TTC14: variants seen among roughly 807,000 people sequenced by gnomAD.
TTC14 encodes tetratricopeptide repeat domain 14.
TTC14 carries 63 observed loss-of-function variants against 79.9 expected under a neutral mutation model. The observed-to-expected ratio is 0.79, with a 90% CI of 0.64 to 0.97. The LOEUF (loss-of-function observed/expected upper bound fraction) is 0.97. Ranked by LOEUF, TTC14 falls within the 50% of genes least tolerant of loss-of-function variation. The pLI, the probability that TTC14 is intolerant of heterozygous loss-of-function variation, is 0.00. For missense variants in TTC14, 895 were observed against 894.0 expected, an observed-to-expected ratio of 1.00 and a Z score of -0.01; for synonymous variants, 335 against 309.6, an observed-to-expected ratio of 1.08 and a Z score of -0.86.
At chr3:180,606,443 G>T in intron 8 of TTC14, 38 bp from the exon 9 acceptor site, 1 of 1,613,116 alleles carries the variant, frequency 6.2e-7, no homozygotes, top group Non-Finnish European at 8.5e-7. Flanking sequence ...TGAAGAGCTT[G>T]TGAGATACAG....
chr3:180,615,520 C>G (rs940469870), downstream of TTC14, among the ~76,000 whole-genome samples: 19 of 151,938 alleles, frequency 1.3e-4, no homozygotes, highest in African/African-American at 4.4e-4. Flanking sequence ...AAACAGCTAG[C>G]TATATAATTC....
chr3:180,608,021 G>A, intron 10 of TTC14: 1 of 1,164,296 alleles, frequency 8.6e-7, no homozygotes, highest in Non-Finnish European at 1.1e-6. Flanking sequence ...TCCTTATAGG[G>A]AGCTCACCTG....
rs377386337 is a variant in TTC14, at chr3:180,606,494, G to C, written c.1063G>C (p.Gly355Arg). The stretch of plus-strand genomic sequence containing the variant: ...TCATGTCTCTAGATATGCGACAAAA[G>C]GAAGTTTGAACAAAGCAATAGAAGA... ...VARGALYATK[G>R]SLNKAIEDFE... is the part of the protein sequence containing the mutation. The change falls in exon 9 of 12, where the codon GGA becomes CGA. Residue 355 changes from glycine to arginine, a missense_variant. Coordinates refer to ENST00000296015, the MANE Select transcript of TTC14 (RefSeq NM_133462.4). 3 of 1,613,792 alleles carry C rather than the reference G, an allele frequency of 1.9e-6. No homozygotes were observed. Among genetic ancestry groups the C allele is most frequent in the Non-Finnish European group, 2.5e-6 (3 of 1,179,864 alleles).
At chr3:180,616,408 T>C in intron 12 of TTC14, 1 of 1,539,978 alleles carries the variant, frequency 6.5e-7, no homozygotes, top group South Asian at 1.2e-5. Context: ...CCTACTGTTT[T>C]TTAGAAGATA....
chr3:180,608,345 A>T (rs949789079), intron 10 of TTC14: 53 of 986,444 alleles, frequency 5.4e-5, no homozygotes, highest in Non-Finnish European at 6.3e-5. Context: ...TTTATTTGTA[A>T]AATGTGTCCT....
chr3:180,616,271 C>G lies in TTC14; in HGVS notation c.1775-1109C>G, dbSNP rs1163251409. ...GAGTTAAGCAGATTTTTTTTTAACC[C>G]TCCGCTTACCTTGCTGATAGTGAAG... On this transcript the variant is annotated intron_variant, in intron 12 of 12. Transcript: ENST00000382584. 1 of 1,611,956 alleles carries G rather than the reference C, an allele frequency of 6.2e-7. No individual in the cohort carries two copies. The highest frequency in any genetic ancestry group is 1.3e-5 in the African/African-American group (1 of 74,812).
chr3:180,604,075 G>A (rs969114363), intron 3 of TTC14, 150 bp from the exon 4 acceptor site: 7 of 697,976 alleles, frequency 1.0e-5, no homozygotes, highest in Middle Eastern at 3.4e-4. Flanking sequence ...GTTTGGACAC[G>A]GAAATTACTT....
downstream of TTC14, chr3:180,614,914 A>T (rs780168478): frequency 5.8e-6 from 9 of 1,553,512 alleles, no homozygotes; most frequent in South Asian, 1.1e-4. Context: ...AGAAGAGATT[A>T]AAATGTTTAT....
In TTC14 at chr3:180,607,689, A is replaced by G. The variant is rs776750324; in HGVS notation, c.1214A>G (p.Tyr405Cys). The change falls in exon 10 of 12, where the codon TAT becomes TGT. Residue 405 changes from tyrosine to cysteine, a missense_variant. Physicochemically the swap from Tyr to Cys is radical, Grantham distance 194. Coordinates refer to ENST00000296015, the MANE Select transcript of TTC14 (RefSeq NM_133462.4). ...AAGTTTTTAAATGCTGAAAGTTACT[A>G]TAAGAAAGCTTTGGCTTTGGATGAG... The part of the protein sequence containing the change: ...EEKFLNAESY[Y>C]KKALALDETF... 9 of 1,610,672 alleles carry G rather than the reference A, an allele frequency of 5.6e-6. No individual in the cohort carries two copies. The highest frequency in any genetic ancestry group is 1.3e-5 in the African/African-American group (1 of 74,914).
In TTC14 at chr3:180,608,825, T is replaced by C; in HGVS notation, c.1400+15T>C. On this transcript the variant is annotated intron_variant, in intron 11 of 11. Transcript: ENST00000296015. ...GAAGAGAAGAGGTAAACTATAATAT[T>C]CAGTATTTTTAAACTTAAGGCAACT... The C allele has an allele frequency of 6.8e-7, 1 of 1,472,674 alleles. No homozygotes were observed. The highest frequency in any genetic ancestry group is 9.0e-7 in the Non-Finnish European group (1 of 1,115,178). The allele number at this position is 1,472,674 out of a possible 1,614,324, so 91.2% of individuals were successfully genotyped here. A position where few individuals can be genotyped will look rare whatever the true frequency, so the allele number is the denominator to read the frequency against.
rs867748464 is a variant in TTC14, at chr3:180,608,988, G to T, written c.1400+178G>T. 1 of 1,145,656 alleles carries T rather than the reference G, an allele frequency of 8.7e-7. No homozygotes were observed. Among genetic ancestry groups the T allele is most frequent in the Non-Finnish European group, 1.1e-6 (1 of 925,468 alleles). The allele number at this position is 1,145,656 out of a possible 1,614,324, so 71.0% of individuals were successfully genotyped here. ...ATTTTCTTATTAAAGAGATGAAGTG[G>T]AATTTAAGGCTAGAATTCTACAAAA... is the stretch of plus-strand genomic sequence containing the variant. On this transcript the variant is annotated intron_variant, in intron 11 of 11. Coordinates refer to ENST00000296015, the MANE Select transcript of TTC14 (RefSeq NM_133462.4).
downstream of TTC14, chr3:180,614,998 G>A: frequency 6.4e-7 from 1 of 1,562,522 alleles, no homozygotes; most frequent in Non-Finnish European, 8.7e-7. Context: ...CTGCCTACTA[G>A]TGAAGAGGAG....
rs370217176 is a variant in TTC14, at chr3:180,604,863, A to C, written c.713A>C (p.Glu238Ala). The C allele has an allele frequency of 1.9e-5, 31 of 1,609,260 alleles. No individual in the cohort carries two copies. In the African/African-American group the frequency reaches 3.9e-4, roughly 20 times the overall value. The change falls in exon 6 of 12, where the codon GAG becomes GCG. Residue 238 changes from glutamate to alanine, a missense_variant. Glu to Ala is a moderately radical substitution (Grantham distance 107). Coordinates refer to ENST00000296015, the MANE Select transcript of TTC14 (RefSeq NM_133462.4). ...ELPLYYRRSV[E>A]LNSNSLESYE... The stretch of plus-strand genomic sequence containing the variant: ...TGTATTTTTTTAAGGAGAAGTGTTG[A>C]GCTAAATAGCAATTCTTTGGAGTCC...
chr3:180,611,535 G>T (rs1447646379), downstream of TTC14, among the ~76,000 whole-genome samples: 1 of 152,134 alleles, frequency 6.6e-6, no homozygotes. Flanking sequence ...TAAATAACTA[G>T]ACCAACTAGA....
At chr3:180,605,671 T>C in intron 6 of TTC14, 95 bp from the exon 7 acceptor site, 1 of 808,394 alleles carries the variant, frequency 1.2e-6, no homozygotes. Context: ...TTGGGATTCA[T>C]ACTTTCACTG....
intron 1 of TTC14, 73 bp from the exon 2 acceptor site, chr3:180,602,818 C>A: frequency 2.0e-6 from 3 of 1,501,428 alleles, no homozygotes; most frequent in Admixed American, 2.1e-5. Context: ...CGATGAAAGC[C>A]ATAAGCAGAA....
At position 180,610,347 on chromosome 3, in the gene TTC14, T is replaced by C; in HGVS notation, c.2118T>C (p.Asn706=). Residue 706 remains asparagine, a synonymous_variant, in exon 12 of 12, where the codon AAT becomes AAC. Transcript: ENST00000296015. Reference sequence around the variant, plus strand: ...GACATGAGCAAAGATACCGTTTAAATACAAATCAAGGAGAATATGAAAGAG... The same window carrying C: ...GACATGAGCAAAGATACCGTTTAAACACAAATCAAGGAGAATATGAAAGAG... ...FSRHEQRYRL[N]TNQGEYERED... is the part of the protein sequence containing the mutation. 6.2e-7 allele frequency: 1 copy of C among 1,612,852 alleles called. No individual in the cohort carries two copies. The highest frequency in any genetic ancestry group is 8.5e-7 in the Non-Finnish European group (1 of 1,179,698).
At position 180,604,590 on chromosome 3, in the gene TTC14, G is replaced by A; in HGVS notation, c.684G>A (p.Glu228=). 2 of 1,607,524 alleles carry A rather than the reference G, an allele frequency of 1.2e-6. No homozygotes were observed. The highest frequency in any genetic ancestry group is 1.7e-6 in the Non-Finnish European group (2 of 1,178,162). Residue 228 remains glutamate, a synonymous_variant, in exon 5 of 12, where the codon GAG becomes GAA. Coordinates refer to ENST00000296015, the MANE Select transcript of TTC14 (RefSeq NM_133462.4). ...AATTAGGTGTAATTAGCTCTGAAGA[G>A]CTTCCTTTATACTACAGGTAATTTA... The part of the protein sequence containing the change: ...GIKLGVISSE[E]LPLYYRRSVE...
chr3:180,608,258 T>C (rs777701721), intron 10 of TTC14: 84 of 987,862 alleles, frequency 8.5e-5, no homozygotes, highest in Non-Finnish European at 9.6e-5. Context: ...TGGGCTGTGC[T>C]ATTTTTTTAA....
Sources: allele counts gnomAD v4.1 joint callset (sites outside exome capture counted in the v4.1 genomes callset), GRCh38; gene constraint gnomAD v4.1.1; transcripts MANE v1.5; gene names NCBI Gene and HGNC (gene_info 2026-07-23, HGNC 2026-07-21).